Variants in AGBL4 observed in about 807,000 individuals in gnomAD.
AGBL4 encodes the protein cytosolic carboxypeptidase 6.
AGBL4 carries 58 observed loss-of-function variants against 66.4 expected under a neutral mutation model. That is an observed-to-expected ratio of 0.87 (90% CI 0.71 to 1.09). The LOEUF (loss-of-function observed/expected upper bound fraction) is 1.09, where lower values mean the gene tolerates loss of function less well. Ranked by LOEUF, AGBL4 falls within the 50% of genes least tolerant of loss-of-function variation. The pLI, the probability that AGBL4 is intolerant of heterozygous loss-of-function variation, is 0.00. For synonymous variants in AGBL4, 234 were observed against 222.9 expected (o/e 1.05, Z -0.44); for missense variants, 579 against 631.0 (o/e 0.92, Z 0.88).
intron 3 of AGBL4, among the ~76,000 whole-genome samples, chr1:49,282,977 TAAAC>T (rs1644312609): frequency 6.6e-6 from 1 of 151,876 alleles, no homozygotes; most frequent in Admixed American, 6.6e-5. Flanking sequence ...CTTGCTTAGG[TAAAC>T]AAACCAGCTG....
At chr1:49,975,025 A>T (rs1658442882) in intron 1 of AGBL4, among the ~76,000 whole-genome samples, 1 of 152,202 alleles carries the variant, frequency 6.6e-6, no homozygotes, top group Admixed American at 6.5e-5. Context: ...GATTCCAAAG[A>T]TATCAAATGA....
chr1:49,836,662 G>GT (rs1399939940), intron 2 of AGBL4, among the ~76,000 whole-genome samples: 1 of 152,096 alleles, frequency 6.6e-6, no homozygotes, highest in Non-Finnish European at 1.5e-5. Flanking sequence ...AGGTGTTCTG[G>GT]TTTTTGGAAT....
At chr1:49,970,757 A>ACACACACACACAAAC (rs1557629112) in intron 1 of AGBL4, among the ~76,000 whole-genome samples, 1 of 8,616 alleles carries the variant, frequency 1.2e-4, no homozygotes, top group Admixed American at 2.7e-3. Context: ...ATACACAAAC[A>ACACACACACACAAAC]AAAAAAAAAA....
At chr1:49,796,607 C>CA (rs909100802) in intron 2 of AGBL4, among the ~76,000 whole-genome samples, 26 of 150,188 alleles carry the variant, frequency 1.7e-4, no homozygotes, top group Non-Finnish European at 3.1e-4. Context: ...GTGAAAAGCA[C>CA]AAAAAAAATT....
chr1:48,630,580 T>C (rs1000353495), intron 9 of AGBL4, among the ~76,000 whole-genome samples: 1 of 152,190 alleles, frequency 6.6e-6, no homozygotes, highest in Non-Finnish European at 1.5e-5. Context: ...TAGACTCCTC[T>C]TCTTCCTTTT....
downstream of AGBL4, among the ~76,000 whole-genome samples, chr1:48,530,716 C>G (rs79545732): frequency 6.8e-3 from 1,043 of 152,292 alleles, 33 homozygotes; most frequent in East Asian, 0.072. Flanking sequence ...TGATACAGAG[C>G]AAAACTAGCA....
In AGBL4 at chr1:48,736,057, T is replaced by C. The variant is rs1205149460; in HGVS notation, c.635-72816A>G. On this transcript the variant is annotated intron_variant, in intron 6 of 13. Coordinates refer to ENST00000371839, the MANE Select transcript of AGBL4 (RefSeq NM_032785.4). This position sits in a 1 kb window ranked among gnomAD's most constrained non-coding sequence, Gnocchi z 4.0. ...ATCGTACTTGTGTCCACAGCTCATCTGCCCTGGTAAATGTGAGCTCTTCTG... is the reference window on the plus strand; with the variant it reads ...ATCGTACTTGTGTCCACAGCTCATCCGCCCTGGTAAATGTGAGCTCTTCTG... 2.0e-5 allele frequency among the ~76,000 whole-genome samples: 3 copies of C among 152,230 alleles called. No homozygotes were observed. The highest frequency in any genetic ancestry group is 7.2e-5 in the African/African-American group (3 of 41,466).
intron 1 of AGBL4, among the ~76,000 whole-genome samples, chr1:49,958,144 T>A (rs1042320789): frequency 5.3e-5 from 8 of 152,162 alleles, no homozygotes; most frequent in Non-Finnish European, 8.8e-5. Flanking sequence ...GATATGAAAT[T>A]CTGGATTGAA....
intron 4 of AGBL4, among the ~76,000 whole-genome samples, chr1:49,059,952 G>T (rs1644374411): frequency 6.6e-6 from 1 of 152,166 alleles, no homozygotes; most frequent in South Asian, 2.1e-4. Flanking sequence ...TAGGCAGAAG[G>T]GACTTGCCTT....
intron 1 of AGBL4, among the ~76,000 whole-genome samples, chr1:49,906,696 G>A (rs1650310896): frequency 6.6e-6 from 1 of 152,054 alleles, no homozygotes; most frequent in African/African-American, 2.4e-5. Context: ...TGTGATATAT[G>A]TGTATGTGTT....
chr1:48,907,885 T>C (rs17105118), intron 5 of AGBL4, among the ~76,000 whole-genome samples: 3,892 of 151,934 alleles, frequency 0.026, 140 homozygotes, highest in Admixed American at 0.11. Flanking sequence ...TATCTTGGAG[T>C]ATGAGTTTGC....
chr1:50,006,737 A>T (rs1258187759), intron 1 of AGBL4, among the ~76,000 whole-genome samples: 1 of 152,132 alleles, frequency 6.6e-6, no homozygotes, highest in Non-Finnish European at 1.5e-5. Context: ...AAATATCCTT[A>T]AAACATGAAG....
At chr1:48,803,014 G>A (rs1418347153) in intron 6 of AGBL4, among the ~76,000 whole-genome samples, 1 of 152,146 alleles carries the variant, frequency 6.6e-6, no homozygotes, top group Non-Finnish European at 1.5e-5. Context: ...GGGACTATAG[G>A]TCCTTGAGTA....
At chr1:49,091,334 A>G (rs894441630) in intron 4 of AGBL4, among the ~76,000 whole-genome samples, 2 of 152,192 alleles carry the variant, frequency 1.3e-5, no homozygotes, top group African/African-American at 4.8e-5. Flanking sequence ...TATGCATCCA[A>G]CAAAGATCTG....
intron 3 of AGBL4, among the ~76,000 whole-genome samples, chr1:49,271,536 AC>A (rs1644058765): frequency 6.6e-6 from 1 of 151,778 alleles, no homozygotes; most frequent in African/African-American, 2.4e-5. Flanking sequence ...ACACACACAC[AC>A]ACACACACAC....
chr1:49,096,819 C>T (rs570153533), intron 4 of AGBL4, among the ~76,000 whole-genome samples: 109 of 151,674 alleles, frequency 7.2e-4, no homozygotes, highest in African/African-American at 2.6e-3. Flanking sequence ...TGCACATCTA[C>T]CCTAAAACTT....
chr1:49,030,745 A>G (rs1168087366), intron 5 of AGBL4, among the ~76,000 whole-genome samples: 1 of 151,812 alleles, frequency 6.6e-6, no homozygotes, highest in Non-Finnish European at 1.5e-5. Context: ...CCTGGTGCCA[A>G]AAAGGTTGGG....
intron 6 of AGBL4, among the ~76,000 whole-genome samples, chr1:48,673,743 G>C (rs548282069): frequency 6.6e-6 from 1 of 152,352 alleles, no homozygotes; most frequent in Admixed American, 6.5e-5. Context: ...GACAGCCAAG[G>C]AAGGCAAGGA....
chr1:49,465,239 AC>A (rs1317787987), intron 3 of AGBL4, among the ~76,000 whole-genome samples: 3 of 150,728 alleles, frequency 2.0e-5, no homozygotes, highest in Non-Finnish European at 3.0e-5. Context: ...ACACACACAC[AC>A]ACACACACAC....
Sources: gnomAD v4.1 joint callset for allele counts (sites outside exome capture counted in the v4.1 genomes callset) on GRCh38, gnomAD v4.1.1 for gene constraint, Gnocchi (gnomAD v3.1) non-coding constraint, MANE v1.5 for transcripts, NCBI Gene and HGNC (gene_info 2026-07-23, HGNC 2026-07-21) for gene names.